The following SLC71A2 variants were observed in gnomAD, a reference collection of about 807,000 sequenced individuals.
The protein encoded by SLC71A2 is solute carrier family 71 member 2, also known as hippocampus abundant transcript-like 1.
chr9:94,397,892 T>C, the SLC71A2 span, among the ~76,000 whole-genome samples: 1 of 152,236 alleles, frequency 6.6e-6, no homozygotes, highest in Non-Finnish European at 1.5e-5. Context: ...GCTGAGATAC[T>C]GTTTATCAGA....
the SLC71A2 span, among the ~76,000 whole-genome samples, chr9:94,397,700 G>C: frequency 0.69 from 105,011 of 151,976 alleles, 36,613 homozygotes; most frequent in Middle Eastern, 0.77. Context: ...CCTGGACAGT[G>C]TTGAGGAGGA....
the SLC71A2 span, among the ~76,000 whole-genome samples, chr9:94,383,927 A>T: frequency 1.3e-5 from 2 of 152,094 alleles, no homozygotes; most frequent in African/African-American, 2.4e-5. Flanking sequence ...GTAATTTTTT[A>T]AAATTTAAAT....
the SLC71A2 span, chr9:94,438,593 T>G: frequency 6.3e-7 from 1 of 1,597,814 alleles, no homozygotes; most frequent in Non-Finnish European, 8.5e-7. Context: ...TATACTTATA[T>G]TTGCAGAGCA....
At chr9:94,407,171 T>C in the SLC71A2 span, among the ~76,000 whole-genome samples, 1 of 151,496 alleles carries the variant, frequency 6.6e-6, no homozygotes, top group East Asian at 1.9e-4. Context: ...TCAATTAAGA[T>C]GATTATGTGG....
chr9:94,452,972 A>G, the SLC71A2 span, among the ~76,000 whole-genome samples: 2 of 151,854 alleles, frequency 1.3e-5, no homozygotes, highest in African/African-American at 4.8e-5. Context: ...AACCTCTCTC[A>G]AGGAGAAATG....
At chr9:94,399,815 T>G in the SLC71A2 span, among the ~76,000 whole-genome samples, 1 of 152,026 alleles carries the variant, frequency 6.6e-6, no homozygotes, top group Non-Finnish European at 1.5e-5. Context: ...GCCTTTTTTT[T>G]TTTTTTTGAG....
the SLC71A2 span, among the ~76,000 whole-genome samples, chr9:94,458,085 T>C: frequency 1.3e-5 from 2 of 152,210 alleles, no homozygotes; most frequent in Non-Finnish European, 2.9e-5. Context: ...TGGGAAGATA[T>C]TAAAGTTTTG....
the SLC71A2 span, among the ~76,000 whole-genome samples, chr9:94,423,844 C>CAGA: frequency 2.5e-4 from 38 of 152,126 alleles, no homozygotes; most frequent in African/African-American, 8.0e-4. Flanking sequence ...CTCTTAATGC[C>CAGA]TTTGGATGAC....
chr9:94,454,368 A>AT, the SLC71A2 span, among the ~76,000 whole-genome samples: 30 of 151,168 alleles, frequency 2.0e-4, no homozygotes, highest in East Asian at 4.8e-3. Context: ...GCATATGCCA[A>AT]TTTTTTTTTC....
At chr9:94,432,997 G>C in the SLC71A2 span, 1 of 436,198 alleles carries the variant, frequency 2.3e-6, no homozygotes, top group Non-Finnish European at 4.6e-6. Flanking sequence ...TCGTTGTTGA[G>C]CTCCTCTGAA....
the SLC71A2 span, among the ~76,000 whole-genome samples, chr9:94,423,676 T>G: frequency 6.6e-6 from 1 of 152,084 alleles, no homozygotes; most frequent in East Asian, 1.9e-4. Flanking sequence ...ATAACTCTTA[T>G]GAAATATAGA....
At chr9:94,445,182 G>T in the SLC71A2 span, 1 of 1,600,380 alleles carries the variant, frequency 6.2e-7, no homozygotes, top group Non-Finnish European at 8.5e-7. Flanking sequence ...ACCCTTTTGC[G>T]GTAAATAAAA....
the SLC71A2 span, chr9:94,374,987 C>G: frequency 1.7e-6 from 2 of 1,175,524 alleles, no homozygotes; most frequent in Non-Finnish European, 2.1e-6. Context: ...GGGGTCGCAC[C>G]CAGGGCCCGC....
At chr9:94,410,019 C>T in the SLC71A2 span, among the ~76,000 whole-genome samples, 1 of 148,280 alleles carries the variant, frequency 6.7e-6, no homozygotes, top group East Asian at 2.0e-4. Context: ...GTATTGAAGT[C>T]TCCAGCTATT....
At chr9:94,391,347 A>G in the SLC71A2 span, among the ~76,000 whole-genome samples, 16 of 150,574 alleles carry the variant, frequency 1.1e-4, no homozygotes, top group Non-Finnish European at 2.2e-4. Flanking sequence ...TGTGCAACAG[A>G]GCGAGACTCT....
chr9:94,390,644 A>G, the SLC71A2 span, among the ~76,000 whole-genome samples: 6 of 152,348 alleles, frequency 3.9e-5, no homozygotes, highest in East Asian at 3.9e-4. Flanking sequence ...GGATGTGCAC[A>G]TGTGACTGCT....
chr9:94,435,626 T>C, the SLC71A2 span, among the ~76,000 whole-genome samples: 56 of 150,524 alleles, frequency 3.7e-4, 2 homozygotes, highest in East Asian at 4.7e-3. Flanking sequence ...TCCACCAGAA[T>C]TATTCCGAAC....
the SLC71A2 span, among the ~76,000 whole-genome samples, chr9:94,439,881 A>G: frequency 5.4e-3 from 827 of 152,152 alleles, 8 homozygotes; most frequent in Non-Finnish European, 7.3e-3. Context: ...TCATCTGTAA[A>G]TAATTTTTTC....
chr9:94,410,779 T>C, the SLC71A2 span, among the ~76,000 whole-genome samples: 3 of 152,102 alleles, frequency 2.0e-5, no homozygotes, highest in Admixed American at 1.3e-4. Flanking sequence ...AAATTATTAT[T>C]ATTTGAGATG....
Sources: allele counts gnomAD v4.1 joint callset (sites outside exome capture counted in the v4.1 genomes callset), GRCh38; gene constraint gnomAD v4.1.1; transcripts MANE v1.5; gene names NCBI Gene and HGNC (gene_info 2026-07-23, HGNC 2026-07-21).